The following UCHL1 variants were observed in gnomAD, a reference collection of about 807,000 sequenced individuals.
UCHL1 encodes the protein ubiquitin carboxyl-terminal hydrolase isozyme L1.
Under a neutral mutation model 33.3 loss-of-function variants are expected in UCHL1, and 5 were observed. That is an observed-to-expected ratio of 0.15 (90% confidence interval 0.08 to 0.32). The LOEUF (loss-of-function observed/expected upper bound fraction) is 0.32. Among genes scored for constraint, UCHL1 ranks in the 10% least tolerant of loss-of-function variants. The pLI is 1.00. For missense variants in UCHL1, 236 were observed against 280.0 expected (o/e 0.84, Z 1.12); for synonymous variants, 132 against 108.8 (o/e 1.21, Z -1.33).
chr4:41,265,569 ACT>A (rs1044999934), intron 8 of UCHL1, among the ~76,000 whole-genome samples: 37 of 149,974 alleles, frequency 2.5e-4, no homozygotes, highest in East Asian at 4.2e-4. Flanking sequence ...ACAGAGCAAG[ACT>A]CTGTCTCAGA....
At chr4:41,263,875 A>G (rs1781112521) in intron 7 of UCHL1, among the ~76,000 whole-genome samples, 1 of 152,214 alleles carries the variant, frequency 6.6e-6, no homozygotes, top group Admixed American at 6.5e-5. Flanking sequence ...CTATTAGGGT[A>G]GCTGACTTGA....
chr4:41,257,138 C>T lies in UCHL1; in HGVS notation c.45+12C>T. 6.2e-7 allele frequency: 1 copy of T among 1,612,406 alleles called. No individual in the cohort carries two copies. Among genetic ancestry groups the T allele is most frequent in the Non-Finnish European group, 8.5e-7 (1 of 1,179,854 alleles). ...AGATGCTGAACAAAGTGAGTGGCGT[C>T]TCGCGCCGTCTCTGGCCCCCTCCCC... On this transcript the variant is annotated intron_variant, in intron 2 of 8. Transcript: ENST00000284440.
chr4:41,261,848 T>C, intron 5 of UCHL1, 28 bp from the exon 6 acceptor site: 1 of 1,614,164 alleles, frequency 6.2e-7, no homozygotes, highest in Non-Finnish European at 8.5e-7. Flanking sequence ...TAGAGATTTT[T>C]GTGCTAATTA....
Position 41,268,117 on chromosome 4 carries a change from A to G in UCHL1, c.*44A>G, listed in dbSNP as rs760586461. 4.5e-5 allele frequency: 71 copies of G among 1,560,892 alleles called. No individual in the cohort carries two copies. The highest frequency in any genetic ancestry group is 6.1e-5 in the Non-Finnish European group (69 of 1,137,292). ...TTGCTGATTTCCCCTCTTCCCTTCAACATGAAAATATATACCCCCCCATGC... is the reference window on the plus strand; with the variant it reads ...TTGCTGATTTCCCCTCTTCCCTTCAGCATGAAAATATATACCCCCCCATGC... On this transcript the variant is annotated 3_prime_UTR_variant, in exon 9 of 9. Transcript: ENST00000284440.
intron 8 of UCHL1, among the ~76,000 whole-genome samples, chr4:41,265,646 A>G (rs1437526115): frequency 6.6e-6 from 1 of 152,208 alleles, no homozygotes; most frequent in Non-Finnish European, 1.5e-5. Context: ...CAATACCAAT[A>G]TGACCTTTCT....
intron 3 of UCHL1, among the ~76,000 whole-genome samples, chr4:41,258,905 C>G (rs929639575): frequency 1.3e-5 from 2 of 152,210 alleles, no homozygotes; most frequent in Admixed American, 6.5e-5. Flanking sequence ...TCCTGGTTGA[C>G]CAAATCAGTC....
At chr4:41,265,581 A>G (rs2154087305) in intron 8 of UCHL1, among the ~76,000 whole-genome samples, 1 of 143,618 alleles carries the variant, frequency 7.0e-6, no homozygotes, top group African/African-American at 2.5e-5. Context: ...TCTGTCTCAG[A>G]AGAAAAAAAA....
chr4:41,267,062 G>T (rs1781165383), intron 8 of UCHL1, among the ~76,000 whole-genome samples: 1 of 151,996 alleles, frequency 6.6e-6, no homozygotes. Context: ...TAATATTTTT[G>T]ATCCCAAAAC....
In UCHL1 at chr4:41,257,110, TTC is replaced by T. The variant is rs1270483136; in HGVS notation, c.34-4_34-3del. ...TTTGCCTTTTTCTTTGCATTTGCCT[TTC>T]AGATGCTGAACAAAGTGAGTGGCGT... On this transcript the variant is annotated splice_region_variant and splice_polypyrimidine_tract_variant and intron_variant, in intron 1 of 8. Coordinates refer to ENST00000284440, the MANE Select transcript of UCHL1 (RefSeq NM_004181.5). 1.2e-6 allele frequency: 2 copies of T among 1,613,522 alleles called. No individual in the cohort carries two copies. Among genetic ancestry groups the T allele is most frequent in the Non-Finnish European group, 1.7e-6 (2 of 1,179,902 alleles).
chr4:41,267,237 T>G (rs1781168098), intron 8 of UCHL1, among the ~76,000 whole-genome samples: 1 of 152,038 alleles, frequency 6.6e-6, no homozygotes, highest in Non-Finnish European at 1.5e-5. Flanking sequence ...GGCTGTTTTT[T>G]TTTTTGTTTG....
At chr4:41,257,543 C>T (rs1780998718) in intron 2 of UCHL1, 66 bp from the exon 3 acceptor site, 8 of 1,428,626 alleles carry the variant, frequency 5.6e-6, no homozygotes, top group Non-Finnish European at 6.4e-6. Flanking sequence ...CCTGGCCCCG[C>T]CCCCTGGCAG....
rs560407112 is a variant in UCHL1, at chr4:41,268,359, T to C, written c.*286T>C. The C allele has an allele frequency of 2.1e-6, 1 of 487,136 alleles. No homozygotes were observed. The highest frequency in any genetic ancestry group is 1.9e-5 in the African/African-American group (1 of 51,878). The allele number at this position is 487,136 out of a possible 1,614,324, so 30.2% of individuals were successfully genotyped here. ...AAATGGCTACTTTGGTTTCTGTCTG[T>C]AAGTTAAGACCTTGGATGTGGTTTA... On this transcript the variant is annotated 3_prime_UTR_variant, in exon 9 of 9. Transcript: ENST00000284440.
chr4:41,267,748 A>G (rs1336028676), intron 8 of UCHL1, among the ~76,000 whole-genome samples: 1 of 152,182 alleles, frequency 6.6e-6, no homozygotes, highest in Admixed American at 6.5e-5. Context: ...TTCCAAAACC[A>G]GGTACAAAGT....
chr4:41,262,924 A>G (rs1235273418), intron 6 of UCHL1, among the ~76,000 whole-genome samples: 1 of 152,114 alleles, frequency 6.6e-6, no homozygotes, highest in African/African-American at 2.4e-5. Context: ...CAGTGTCTTT[A>G]TAACTACAAC....
At chr4:41,262,625 C>T (rs1181402013) in intron 6 of UCHL1, among the ~76,000 whole-genome samples, 6 of 141,852 alleles carry the variant, frequency 4.2e-5, no homozygotes, top group Non-Finnish European at 7.7e-5. Flanking sequence ...TCTCAGTGTC[C>T]TTTTTAAAAA....
At chr4:41,261,969 G>A (rs1166789477) in intron 6 of UCHL1, 46 bp downstream of exon 6, 1 of 1,607,128 alleles carries the variant, frequency 6.2e-7, no homozygotes, top group Non-Finnish European at 8.5e-7. Context: ...GGTGCCATCT[G>A]TGTTTCTACT....
rs148096293 is a variant in UCHL1, at chr4:41,260,695, G to T, written c.223G>T (p.Val75Phe). The stretch of plus-strand genomic sequence containing the variant: ...GATTGAAGAGCTGAAGGGACAAGAA[G>T]TTAGTCCTAAAGTGTACTTCATGAA... Reference protein sequence around the residue: ...KQIEELKGQEVSPKVYFMKQT... With the variant: ...KQIEELKGQEFSPKVYFMKQT... The change falls in exon 4 of 9, where the codon GTT (valine) becomes TTT (phenylalanine). Residue 75 changes from valine (V) to phenylalanine (F), a missense_variant. Val to Phe is a conservative substitution (Grantham distance 50). Transcript: ENST00000284440. 1 of 1,614,250 alleles carries T rather than the reference G, an allele frequency of 6.2e-7. No individual in the cohort carries two copies. The highest frequency in any genetic ancestry group is 8.5e-7 in the Non-Finnish European group (1 of 1,180,046).
rs1780993074 is a variant in UCHL1 at position 41,257,297 on chromosome 4, G to GA, written c.45+172dup. On this transcript the variant is annotated intron_variant, in intron 2 of 8. Coordinates refer to ENST00000284440, the MANE Select transcript of UCHL1 (RefSeq NM_004181.5). ...TCCTGGGCCCCTGCATTTAGCGGGTGACTCTACGAAACCGGTCACGGGGAG... is the reference window on the plus strand; with the variant it reads ...TCCTGGGCCCCTGCATTTAGCGGGTGAACTCTACGAAACCGGTCACGGGGAG... The GA allele has an allele frequency of 3.4e-6, 4 of 1,167,762 alleles. No individual in the cohort carries two copies. In the East Asian group the frequency reaches 1.0e-4, roughly 30 times the overall value. The allele number at this position is 1,167,762 out of a possible 1,614,324, so 72.3% of individuals were successfully genotyped here.
rs778811044 is a variant in UCHL1, at chr4:41,256,945, C to G, written c.-32C>G. ...GCTCCGCTAGCTGTTTTTCGTCTTC[C>G]CTAGGCTATTTCTGCCGGGCGCTCC... On this transcript the variant is annotated 5_prime_UTR_variant, in exon 1 of 9. Coordinates refer to ENST00000284440, the MANE Select transcript of UCHL1 (RefSeq NM_004181.5). 3.7e-5 allele frequency: 60 copies of G among 1,614,000 alleles called. No homozygotes were observed. The highest frequency in any genetic ancestry group is 5.1e-5 in the Non-Finnish European group (60 of 1,180,018).
Sources: gnomAD v4.1 joint callset for allele counts (sites outside exome capture counted in the v4.1 genomes callset) on GRCh38, gnomAD v4.1.1 for gene constraint, MANE v1.5 for transcripts, NCBI Gene and HGNC (gene_info 2026-07-23, HGNC 2026-07-21) for gene names.